Variants in OR4K1 observed in about 807,000 individuals in gnomAD.
OR4K1 encodes olfactory receptor 4K1.
OR4K1 carries 16 observed loss-of-function variants against 14.4 expected under a neutral mutation model. That is an observed-to-expected ratio of 1.11 (90% CI 0.75 to 1.68). The LOEUF is 1.68. OR4K1 is among the 40% of genes most tolerant of loss of function. The pLI, the probability that OR4K1 is intolerant of heterozygous loss-of-function variation, is 0.00. For synonymous variants in OR4K1, 181 were observed against 133.1 expected (o/e 1.36, Z -2.48); for missense variants, 548 against 376.9 (o/e 1.45, Z -3.76).
At chr14:19,921,783 A>T in the OR4K1 span, 1 of 534,994 alleles carries the variant, frequency 1.9e-6, no homozygotes, top group African/African-American at 2.0e-5. Flanking sequence ...TGGTTCTAGA[A>T]ATAAAATATG....
Position 19,935,987 on chromosome 14 carries a change from T to C in OR4K1, c.321T>C (p.Phe107=). The part of the protein sequence containing the change: ...CMAQIFVLHS[F]VGSEMMLLVA... The stretch of plus-strand genomic sequence containing the variant: ...CCCAGATATTCGTTCTTCACAGTTT[T>C]GTTGGGAGTGAGATGATGTTGCTTG... The change falls in exon 2 of 2, where the codon TTT becomes TTC. Residue 107 remains phenylalanine, a synonymous_variant. Transcript: ENST00000641172. 6.2e-7 allele frequency: 1 copy of C among 1,614,264 alleles called. No homozygotes were observed. The highest frequency in any genetic ancestry group is 8.5e-7 in the Non-Finnish European group (1 of 1,180,042).
chr14:19,929,747 G>A (rs192571377), upstream of OR4K1, among the ~76,000 whole-genome samples: 7 of 152,306 alleles, frequency 4.6e-5, no homozygotes, highest in Admixed American at 4.6e-4. Context: ...AAACAGTCAA[G>A]ATTATGCTTG....
intron 1 of OR4K1, among the ~76,000 whole-genome samples, chr14:19,934,380 G>A (rs2138595251): frequency 6.6e-6 from 1 of 152,368 alleles, no homozygotes; most frequent in South Asian, 2.1e-4. Flanking sequence ...TTTCTTAAAG[G>A]ACCATTCCTG....
the OR4K1 span, chr14:19,921,733 G>C: frequency 3.6e-6 from 3 of 822,644 alleles, no homozygotes; most frequent in Non-Finnish European, 3.5e-6. Context: ...TCAAGTGAAA[G>C]TTAAATATAA....
chr14:19,925,363 G>T, the OR4K1 span, among the ~76,000 whole-genome samples: 1 of 147,968 alleles, frequency 6.8e-6, no homozygotes, highest in South Asian at 2.1e-4. Flanking sequence ...ATAAAGAAAA[G>T]AAAAAAAAAA....
Position 19,935,675 on chromosome 14 carries a change from C to A in OR4K1, c.9C>A (p.His3Gln). 1 of 1,594,092 alleles carries A rather than the reference C, an allele frequency of 6.3e-7. No individual in the cohort carries two copies. The highest frequency in any genetic ancestry group is 8.5e-7 in the Non-Finnish European group (1 of 1,172,694). The change falls in exon 2 of 2, where the codon CAC (histidine) becomes CAA (glutamine). Residue 3 changes from histidine (H) to glutamine (Q), a missense_variant. Physicochemically the swap from His to Gln is conservative, Grantham distance 24. Coordinates refer to ENST00000641172, the MANE Select transcript of OR4K1 (RefSeq NM_001004063.3). MA[H>Q]TNESMVSEFV... ...AACTGAATATTGGATACATGGCTCA[C>A]ACAAATGAATCGATGGTGTCTGAGT...
At chr14:19,924,312 A>G in the OR4K1 span, among the ~76,000 whole-genome samples, 5 of 148,670 alleles carry the variant, frequency 3.4e-5, no homozygotes, top group Admixed American at 2.1e-4. Flanking sequence ...AGGCAGGAGA[A>G]TCGCTTGAAC....
chr14:19,920,447 TA>T, the OR4K1 span: 8 of 773,296 alleles, frequency 1.0e-5, no homozygotes, highest in Middle Eastern at 2.5e-4. Context: ...TATCCAGACA[TA>T]CTATTATGGC....
chr14:19,921,379 A>G, the OR4K1 span: 7 of 1,613,982 alleles, frequency 4.3e-6, 1 homozygote, highest in East Asian at 6.7e-5. Context: ...ATCTTCATCT[A>G]TGTGTGGCCC....
chr14:19,921,701 T>G, the OR4K1 span: 1 of 1,058,656 alleles, frequency 9.4e-7, no homozygotes, highest in Non-Finnish European at 1.3e-6. Context: ...TTAATGAATA[T>G]TAACAAGTCT....
the OR4K1 span, chr14:19,921,065 G>A: frequency 1.9e-6 from 3 of 1,614,034 alleles, no homozygotes. Context: ...CTGTGAGCTT[G>A]GTGCACACAT....
the OR4K1 span, among the ~76,000 whole-genome samples, chr14:19,925,404 T>C: frequency 6.6e-6 from 1 of 152,272 alleles, no homozygotes; most frequent in South Asian, 2.1e-4. Context: ...GGCTCTGTAT[T>C]ATATGGCTTC....
At chr14:19,934,157 G>A (rs777138994) in intron 1 of OR4K1, among the ~76,000 whole-genome samples, 22 of 152,186 alleles carry the variant, frequency 1.4e-4, no homozygotes, top group Admixed American at 5.2e-4. Flanking sequence ...TTAGTATAAG[G>A]ACAAATAAAT....
chr14:19,934,817 C>G (rs2138595998), intron 1 of OR4K1, among the ~76,000 whole-genome samples: 1 of 152,232 alleles, frequency 6.6e-6, no homozygotes, highest in African/African-American at 2.4e-5. Context: ...AATACAGGTG[C>G]CCACCACCAC....
chr14:19,936,162 C>A lies in OR4K1; in HGVS notation c.496C>A (p.Leu166Met), dbSNP rs1882314798. Reference protein sequence around the residue: ...SVSHLAFTVDLPFCGPNEVDS... With the variant: ...SVSHLAFTVDMPFCGPNEVDS... ...GAGCCACTTGGCTTTTACAGTGGAC[C>A]TGCCATTCTGTGGTCCCAATGAGGT... The change falls in exon 2 of 2, where the codon CTG becomes ATG. Residue 166 changes from leucine (L) to methionine (M), a missense_variant. Coordinates refer to ENST00000641172, the MANE Select transcript of OR4K1 (RefSeq NM_001004063.3). The A allele has an allele frequency of 6.2e-7, 1 of 1,614,140 alleles. No homozygotes were observed. The highest frequency in any genetic ancestry group is 8.5e-7 in the Non-Finnish European group (1 of 1,180,054).
chr14:19,929,244 T>C (rs1174307461), upstream of OR4K1, among the ~76,000 whole-genome samples: 1 of 149,110 alleles, frequency 6.7e-6, no homozygotes, highest in Admixed American at 6.7e-5. Context: ...TATTATATAG[T>C]TTATACATAT....
Position 19,935,907 on chromosome 14 carries a change from A to G in OR4K1, c.241A>G (p.Met81Val), listed in dbSNP as rs1882301651. Residue 81 changes from methionine to valine, a missense_variant, in exon 2 of 2, where the codon ATG becomes GTG. By Grantham distance (21) the Met-to-Val change is conservative. Coordinates refer to ENST00000641172, the MANE Select transcript of OR4K1 (RefSeq NM_001004063.3). Reference protein sequence around the residue: ...ICQSNFATPKMLVDFFIERKT... With the variant: ...ICQSNFATPKVLVDFFIERKT... ...TCAGTCTAACTTTGCCACCCCCAAG[A>G]TGCTTGTAGACTTTTTTATTGAGCG... The G allele has an allele frequency of 6.2e-7, 1 of 1,614,254 alleles. No homozygotes were observed. Among genetic ancestry groups the G allele is most frequent in the African/African-American group, 1.3e-5 (1 of 75,070 alleles).
chr14:19,921,109 T>C, the OR4K1 span: 1 of 1,614,188 alleles, frequency 6.2e-7, no homozygotes, highest in Non-Finnish European at 8.5e-7. Context: ...AACCTGCCTT[T>C]TTGTGGACCT....
chr14:19,928,357 C>T (rs1882106037), upstream of OR4K1, among the ~76,000 whole-genome samples: 1 of 152,120 alleles, frequency 6.6e-6, no homozygotes, highest in Non-Finnish European at 1.5e-5. Context: ...TAGAACTATA[C>T]TTCAGTTATG....
Sources: allele counts gnomAD v4.1 joint callset (sites outside exome capture counted in the v4.1 genomes callset), GRCh38; gene constraint gnomAD v4.1.1; transcripts MANE v1.5; gene names NCBI Gene and HGNC (gene_info 2026-07-23, HGNC 2026-07-21).